The following CRADD variants were observed in gnomAD, a reference collection of about 807,000 sequenced individuals.
CRADD encodes CARD and death domain containing adaptor protein.
In CRADD, 9 loss-of-function variants were observed where a neutral mutation model predicts 15.5. The ratio of observed to expected loss-of-function variants is 0.58; its 90% confidence interval spans 0.35 to 1.01. CRADD has a LOEUF of 1.01. Among genes scored for constraint, CRADD ranks in the 50% least tolerant of loss-of-function variants. The pLI, the probability that CRADD is intolerant of heterozygous loss-of-function variation, is 0.02. For missense variants in CRADD, 227 were observed against 250.3 expected (o/e 0.91, Z 0.63); for synonymous variants, 118 against 107.6 (o/e 1.10, Z -0.60).
rs74368168 is a variant in CRADD at position 93,747,284 on chromosome 12, G to A, written c.298+68212G>A. Among the ~76,000 whole-genome samples the A allele has an allele frequency of 2.4e-3, 367 of 152,220 alleles. 15 individuals are homozygous for A. The East Asian group carries it at 0.064, about 27-fold the overall frequency. ...AGAAAAGGACCTCCTCTGTAACCCAGGAGAGAGAGGGCTCTTGTCAGGCAG... is the reference window on the plus strand; with the variant it reads ...AGAAAAGGACCTCCTCTGTAACCCAAGAGAGAGAGGGCTCTTGTCAGGCAG... On this transcript the variant is annotated intron_variant, in intron 2 of 2. Transcript: ENST00000332896.
rs115988659 is a variant in CRADD at position 93,781,417 on chromosome 12, G to A, written c.299-68553G>A. The stretch of plus-strand genomic sequence containing the variant: ...GAATTACAGCTAATAAATGCAGAAG[G>A]GTGCTAGAAAAGTTTTAAAAACCTA... On this transcript the variant is annotated intron_variant, in intron 2 of 2. Coordinates refer to ENST00000332896, the MANE Select transcript of CRADD (RefSeq NM_003805.5). Among the ~76,000 whole-genome samples the A allele has an allele frequency of 7.2e-3, 1,099 of 152,242 alleles. 8 individuals carry two copies. Among genetic ancestry groups the A allele is most frequent in the African/African-American group, 0.024 (1,002 of 41,534 alleles).
intron 2 of CRADD, among the ~76,000 whole-genome samples, chr12:93,799,013 G>A (rs58317669): frequency 6.6e-5 from 10 of 152,176 alleles, no homozygotes; most frequent in African/African-American, 2.4e-4. Flanking sequence ...AATTAGGAGT[G>A]GGGGAAGGGA....
chr12:93,736,601 C>T (rs533395222), intron 2 of CRADD, among the ~76,000 whole-genome samples: 5 of 152,286 alleles, frequency 3.3e-5, no homozygotes, highest in Non-Finnish European at 7.3e-5. Context: ...CACTGAGTTC[C>T]TTGAGTTCCA....
At chr12:93,820,272 C>T (rs892572518) in intron 2 of CRADD, among the ~76,000 whole-genome samples, 1 of 152,198 alleles carries the variant, frequency 6.6e-6, no homozygotes, top group Admixed American at 6.5e-5. Context: ...TACCCCTGCC[C>T]CATGGCTAGA....
chr12:93,864,987 G>T (rs1285567764), intron 2 of CRADD, among the ~76,000 whole-genome samples: 1 of 152,194 alleles, frequency 6.6e-6, no homozygotes, highest in Non-Finnish European at 1.5e-5. Context: ...ATTTGATGAT[G>T]AATAAACAAA....
At chr12:93,682,944 C>A (rs1251766957) in intron 2 of CRADD, among the ~76,000 whole-genome samples, 2 of 152,162 alleles carry the variant, frequency 1.3e-5, no homozygotes, top group African/African-American at 4.8e-5. Context: ...ACCTTGGCAC[C>A]GTGGAGAGAA....
At chr12:93,691,230 A>C (rs1175775910) in intron 2 of CRADD, among the ~76,000 whole-genome samples, 1 of 150,584 alleles carries the variant, frequency 6.6e-6, no homozygotes, top group East Asian at 2.0e-4. Context: ...GGGAAAACTT[A>C]ATATAAAGAA....
At chr12:93,715,380 G>T (rs1273226386) in intron 2 of CRADD, among the ~76,000 whole-genome samples, 1 of 152,176 alleles carries the variant, frequency 6.6e-6, no homozygotes. Flanking sequence ...ACATACAAAT[G>T]TTAGCAGTTC....
chr12:93,704,588 CT>C (rs1229998029), intron 2 of CRADD, among the ~76,000 whole-genome samples: 1 of 152,224 alleles, frequency 6.6e-6, no homozygotes, highest in African/African-American at 2.4e-5. Flanking sequence ...TCCACATGTA[CT>C]TTCCCGTAAA....
chr12:93,814,028 G>C (rs935175190), intron 2 of CRADD, among the ~76,000 whole-genome samples: 1 of 152,140 alleles, frequency 6.6e-6, no homozygotes, highest in African/African-American at 2.4e-5. Flanking sequence ...AAGGGCAAGT[G>C]AGGGCAGTAG....
intron 2 of CRADD, among the ~76,000 whole-genome samples, chr12:93,831,631 T>C (rs755407048): frequency 2.6e-5 from 4 of 152,258 alleles, no homozygotes; most frequent in Non-Finnish European, 5.9e-5. Context: ...TGGGATCTGC[T>C]TCCTACCAGA....
intron 2 of CRADD, among the ~76,000 whole-genome samples, chr12:93,857,717 G>A (rs1253702039): frequency 1.3e-5 from 2 of 152,166 alleles, no homozygotes; most frequent in African/African-American, 4.8e-5. Context: ...GAAGGCAAAG[G>A]GGAGCTCCCT....
chr12:93,696,997 A>T (rs1955723456), intron 2 of CRADD, among the ~76,000 whole-genome samples: 1 of 152,192 alleles, frequency 6.6e-6, no homozygotes. Flanking sequence ...CCCCCTGCAG[A>T]TACTGACAAA....
intron 2 of CRADD, among the ~76,000 whole-genome samples, chr12:93,693,972 C>T (rs779002162): frequency 3.7e-4 from 57 of 152,054 alleles, no homozygotes; most frequent in Admixed American, 1.0e-3. Context: ...TACTTCCAAG[C>T]TTATTTTGTA....
At chr12:93,716,053 A>C (rs1235216181) in intron 2 of CRADD, among the ~76,000 whole-genome samples, 1 of 151,906 alleles carries the variant, frequency 6.6e-6, no homozygotes, top group Non-Finnish European at 1.5e-5. Context: ...AATCGCTTGA[A>C]TCCAGGAGGC....
chr12:93,783,781 C>T (rs1247236057), intron 2 of CRADD, among the ~76,000 whole-genome samples: 2 of 152,160 alleles, frequency 1.3e-5, no homozygotes, highest in African/African-American at 4.8e-5. Flanking sequence ...AGGACTATCA[C>T]AAGAAATTCC....
chr12:93,844,947 G>A (rs968379771), intron 2 of CRADD, among the ~76,000 whole-genome samples: 1 of 152,130 alleles, frequency 6.6e-6, no homozygotes, highest in Non-Finnish European at 1.5e-5. Flanking sequence ...AGCTGGTTGA[G>A]GAGGTGAGTG....
At position 93,863,596 on chromosome 12, in the gene CRADD, TTGTGTGTGTGTG is replaced by T. The variant is rs1157061528; in HGVS notation, c.299-30417_299-30406del. On this transcript the variant is annotated intron_variant, in intron 2 of 2. Transcript: ENST00000548483. ...GGCCTTTGAAAATGTGTGGAGGCAT[TTGTGTGTGTGTG>T]TGTGTGTGTGTGTGTGTGTGTGTGT... Among the ~76,000 whole-genome samples, 706 of 124,842 alleles carry T rather than the reference TTGTGTGTGTGTG, an allele frequency of 5.7e-3. 3 individuals are homozygous for T. Among genetic ancestry groups the T allele is most frequent in the African/African-American group, 7.5e-3 (245 of 32,864 alleles). The allele number at this position is 124,842 out of a possible 152,430, so 81.9% of individuals were successfully genotyped here. A position where few individuals can be genotyped will look rare whatever the true frequency, so the allele number is the denominator to read the frequency against.
chr12:93,859,308 T>C (rs1958300644), intron 2 of CRADD: 1 of 455,568 alleles, frequency 2.2e-6, no homozygotes, highest in African/African-American at 2.0e-5. Flanking sequence ...TTAACTTGTC[T>C]TTTGTTATAG....
Sources: gnomAD v4.1 joint callset for allele counts (sites outside exome capture counted in the v4.1 genomes callset) on GRCh38, gnomAD v4.1.1 for gene constraint, MANE v1.5 for transcripts, NCBI Gene and HGNC (gene_info 2026-07-23, HGNC 2026-07-21) for gene names.